Variants in FCHO1 observed in about 807,000 individuals in gnomAD.
FCHO1 encodes the protein FCH and mu domain containing endocytic adaptor 1, also known as F-BAR domain only protein 1.
Under a neutral mutation model 114.4 loss-of-function variants are expected in FCHO1, and 45 were observed. The observed-to-expected ratio is 0.39, with a 90% confidence interval of 0.31 to 0.50. The LOEUF is 0.50. Ranked by LOEUF, FCHO1 falls within the 20% of genes least tolerant of loss-of-function variation. FCHO1 has a pLI of 0.77. For synonymous variants in FCHO1, 480 were observed against 488.9 expected, an observed-to-expected ratio of 0.98 and a Z score of 0.24; for missense variants, 1,042 against 1,209.6, an observed-to-expected ratio of 0.86 and a Z score of 2.06.
chr19:17,784,083 A>T lies in FCHO1; in HGVS notation c.2094-20A>T. 3 of 1,608,328 alleles carry T rather than the reference A, an allele frequency of 1.9e-6. No homozygotes were observed. The highest frequency in any genetic ancestry group is 2.6e-6 in the Non-Finnish European group (3 of 1,175,952). ...AGGGCATGTCCCGAGGATTGGGGTG[A>T]TCAGTCCGGGTCTCTGCAGTGACCC... On this transcript the variant is annotated intron_variant, in intron 24 of 28. Transcript: ENST00000596536. The surrounding 1 kb of genome is among the most constrained non-coding windows in gnomAD (Gnocchi z 5.3).
intron 19 of FCHO1, 128 bp downstream of exon 19, chr19:17,778,356 G>A: frequency 1.2e-6 from 1 of 856,442 alleles, no homozygotes; most frequent in Non-Finnish European, 1.9e-6. Context: ...GTGTAGGGGT[G>A]GGCGGGGCCA....
chr19:17,768,024 T>A (rs4239636), intron 7 of FCHO1, among the ~76,000 whole-genome samples: 66,173 of 151,992 alleles, frequency 0.44, 15,306 homozygotes, highest in East Asian at 0.71. Context: ...CATGTTTTTA[T>A]GTCTTGTTTA....
At chr19:17,761,633 CATATATAT>C (rs55848959) in intron 4 of FCHO1, among the ~76,000 whole-genome samples, 3 of 142,680 alleles carry the variant, frequency 2.1e-5, no homozygotes, top group African/African-American at 7.8e-5. Context: ...CATGTATATA[CATATATAT>C]ATATATATAT....
chr19:17,778,838 C>T lies in FCHO1; in HGVS notation c.1581C>T (p.Leu527=), dbSNP rs1480446315. The T allele has an allele frequency of 3.8e-6, 6 of 1,560,154 alleles. No homozygotes were observed. The African/African-American group carries it at 5.4e-5, about 14-fold the overall frequency. Residue 527 remains leucine (L), a synonymous_variant, in exon 20 of 29, where the codon CTC becomes CTT. Coordinates refer to ENST00000596536, the MANE Select transcript of FCHO1 (RefSeq NM_015122.3). ...APPLPDSPQP[L]ASSPGPWGLE... ...CTCTGCCAGACTCGCCGCAGCCCCT[C>T]GCCTCGTCTCCAGGCCCCTGGGGGC...
chr19:17,757,348 T>G (rs1393420968), intron 4 of FCHO1, among the ~76,000 whole-genome samples: 1 of 152,138 alleles, frequency 6.6e-6, no homozygotes, highest in Non-Finnish European at 1.5e-5. Flanking sequence ...TTGCCAGGTC[T>G]GGGAAACGGG....
intron 7 of FCHO1, among the ~76,000 whole-genome samples, chr19:17,767,574 A>AAC (rs2089835393): frequency 6.6e-6 from 1 of 151,576 alleles, no homozygotes; most frequent in Non-Finnish European, 1.5e-5. Flanking sequence ...AAAAAAAAAA[A>AAC]AAAAAAAAAC....
Position 17,783,234 on chromosome 19 carries a change from C to CG in FCHO1, c.2093+62_2093+63insG, listed in dbSNP as rs1436936638. ...CTGCTGGGGATCAGGCTTCCGGACT[C>CG]TGAGTTCCCTCTCTGCTTCCTGGGA... On this transcript the variant is annotated intron_variant, in intron 24 of 28. Coordinates refer to ENST00000596536, the MANE Select transcript of FCHO1 (RefSeq NM_015122.3). 8 of 1,507,318 alleles carry CG rather than the reference C, an allele frequency of 5.3e-6. No homozygotes were observed. In the African/African-American group the frequency reaches 9.9e-5, roughly 19 times the overall value. 93.4% of individuals were successfully genotyped at this position (1,507,318 alleles called of 1,614,324 possible). A position where few individuals can be genotyped will look rare whatever the true frequency, so the allele number is the denominator to read the frequency against.
At chr19:17,781,148 A>G (rs2093368845) in intron 20 of FCHO1, 83 bp from the exon 21 acceptor site, 1 of 947,302 alleles carries the variant, frequency 1.1e-6, no homozygotes, top group Non-Finnish European at 1.6e-6. Context: ...ACCTCCTAAG[A>G]TTTTGGCTGA....
At chr19:17,762,944 T>G (rs2086942417) in intron 5 of FCHO1, 91 bp downstream of exon 5, 1 of 883,092 alleles carries the variant, frequency 1.1e-6, no homozygotes, top group Non-Finnish European at 1.8e-6. Context: ...GGTCAGGGGC[T>G]AGAACCCTGG....
intron 5 of FCHO1, 70 bp from the exon 6 acceptor site, chr19:17,764,305 T>A: frequency 6.8e-7 from 1 of 1,479,798 alleles, no homozygotes; most frequent in Non-Finnish European, 9.4e-7. Flanking sequence ...CCTCCCAGAG[T>A]GCTGGGATTA....
rs375442704 is a variant in FCHO1 at position 17,781,222 on chromosome 19, C to T, written c.1628-9C>T. ...CATCTCAGCAGTGCCTCTTTGTACTCGCTCCTAGACCTGATGCCTGCACCT... is the reference window on the plus strand; with the variant it reads ...CATCTCAGCAGTGCCTCTTTGTACTTGCTCCTAGACCTGATGCCTGCACCT... On this transcript the variant is annotated splice_polypyrimidine_tract_variant and intron_variant, in intron 20 of 28. Coordinates refer to ENST00000596536, the MANE Select transcript of FCHO1 (RefSeq NM_015122.3). 4.9e-5 allele frequency: 78 copies of T among 1,597,870 alleles called. No individual in the cohort carries two copies. Among genetic ancestry groups the T allele is most frequent in the African/African-American group, 1.2e-4 (9 of 74,618 alleles).
chr19:17,759,226 C>CT (rs1473282318), intron 4 of FCHO1, among the ~76,000 whole-genome samples: 47,647 of 106,190 alleles, frequency 0.45, 11,425 homozygotes, highest in South Asian at 0.53. Context: ...AGCTGATTAC[C>CT]TTTTTTTTTT....
rs754595765 is a variant in FCHO1, at chr19:17,781,524, T to C, written c.1813T>C (p.Ser605Pro). ...TGCCTTGGAACGGCCCAGCTTCTTA[T>C]CCCAGACAGGACACGGTATGTGAGG... ...STALERPSFL[S>P]QTGHGVSRGP... is the part of the protein sequence containing the mutation. Residue 605 changes from serine (S) to proline (P), a missense_variant, in exon 22 of 29, where the codon TCC becomes CCC. Physicochemically the swap from Ser to Pro is moderately conservative, Grantham distance 74 (BLOSUM62 -1). Around this residue, in one of 3 missense-constraint regions of FCHO1, gnomAD observed 455 missense variants for 455.4 expected, o/e 1.00. Coordinates refer to ENST00000596536, the MANE Select transcript of FCHO1 (RefSeq NM_015122.3). 2 of 1,613,842 alleles carry C rather than the reference T, an allele frequency of 1.2e-6. No homozygotes were observed. The highest frequency in any genetic ancestry group is 2.7e-5 in the African/African-American group (2 of 74,892).
intron 28 of FCHO1, 110 bp downstream of exon 28, chr19:17,787,956 G>C: frequency 1.5e-6 from 2 of 1,356,418 alleles, no homozygotes; most frequent in East Asian, 2.5e-5. Flanking sequence ...AAAGATAGGT[G>C]GGTGTTGGGG....
chr19:17,757,694 C>T (rs8110326), intron 4 of FCHO1, among the ~76,000 whole-genome samples: 2,023 of 152,220 alleles, frequency 0.013, 43 homozygotes, highest in African/African-American at 0.045. Context: ...GATGGCGGAT[C>T]GCCTGAGCCC....
chr19:17,787,537 A>G (rs2094017779), intron 27 of FCHO1, 145 bp from the exon 28 acceptor site: 2 of 896,160 alleles, frequency 2.2e-6, no homozygotes, highest in African/African-American at 1.7e-5. Context: ...GCCAGGAGAG[A>G]CAGATGCAGG....
Position 17,751,647 on chromosome 19 carries a change from C to G in FCHO1, c.-183+70C>G, listed in dbSNP as rs919952697. On this transcript the variant is annotated intron_variant, in intron 1 of 28. Transcript: ENST00000596536. This position sits in a 1 kb window ranked among gnomAD's most constrained non-coding sequence, Gnocchi z 4.4. ...GCCCCCCTCAGGAACAGAGGGGAGG[C>G]CCCCCTGCCCGGAGCCTGGGTTTCA... 2.0e-5 allele frequency: 3 copies of G among 152,542 alleles called. No homozygotes were observed. Among genetic ancestry groups the G allele is most frequent in the Non-Finnish European group, 4.4e-5 (3 of 68,214 alleles). 9.4% of individuals were successfully genotyped at this position (152,542 alleles called of 1,614,324 possible).
intron 18 of FCHO1, among the ~76,000 whole-genome samples, chr19:17,777,344 C>A (rs2092757876): frequency 1.3e-5 from 2 of 151,710 alleles, no homozygotes; most frequent in African/African-American, 4.8e-5. Context: ...CGAGACCAGC[C>A]TGACCAACAT....
At chr19:17,752,660 G>A (rs964173103) in intron 1 of FCHO1, among the ~76,000 whole-genome samples, 22 of 151,726 alleles carry the variant, frequency 1.4e-4, no homozygotes, top group South Asian at 4.2e-4. Flanking sequence ...GCACTTTGGG[G>A]GTCCCAGGCA....
Sources: allele counts gnomAD v4.1 joint callset (sites outside exome capture counted in the v4.1 genomes callset), GRCh38; gene constraint gnomAD v4.1.1; regional missense constraint gnomAD v4.1.1; non-coding constraint Gnocchi (gnomAD v3.1); transcripts MANE v1.5; gene names NCBI Gene and HGNC (gene_info 2026-07-23, HGNC 2026-07-21).